The following ADAMTS6 variants were observed in gnomAD, a reference collection of about 807,000 sequenced individuals.
ADAMTS6 encodes the protein A disintegrin and metalloproteinase with thrombospondin motifs 6.
ADAMTS6 carries 23 observed loss-of-function variants against 144.3 expected under a neutral mutation model. The ratio of observed to expected loss-of-function variants is 0.16; its 90% CI spans 0.11 to 0.23. The LOEUF (loss-of-function observed/expected upper bound fraction) is 0.23, where lower values mean the gene tolerates loss of function less well. ADAMTS6 is among the 10% of genes least tolerant of loss of function. The probability of loss-of-function intolerance (pLI) is 1.00; values close to 1 mark genes in which losing one functional copy is unlikely to be tolerated. For synonymous variants in ADAMTS6, 444 were observed against 457.5 expected (o/e 0.97, Z 0.38); for missense variants, 999 against 1,379.6 (o/e 0.72, Z 4.37).
intron 24 of ADAMTS6, among the ~76,000 whole-genome samples, chr5:65,161,583 T>G (rs933745838): frequency 1.3e-5 from 2 of 152,168 alleles, no homozygotes; most frequent in African/African-American, 4.8e-5. Flanking sequence ...CATTTCCCCT[T>G]CCTTTCTTAA....
chr5:65,297,515 T>C (rs1742958811), intron 10 of ADAMTS6, among the ~76,000 whole-genome samples: 1 of 152,198 alleles, frequency 6.6e-6, no homozygotes, highest in African/African-American at 2.4e-5. Flanking sequence ...AAGATTCTTT[T>C]TCTTGAGAAG....
In ADAMTS6 at chr5:65,170,762, C is replaced by A. The variant is rs756654519; in HGVS notation, c.3099G>T (p.Gln1033His). 3 of 1,611,792 alleles carry A rather than the reference C, an allele frequency of 1.9e-6. No homozygotes were observed. The highest frequency in any genetic ancestry group is 2.5e-6 in the Non-Finnish European group (3 of 1,179,112). Residue 1033 changes from glutamine (Q) to histidine (H), a missense_variant, in exon 24 of 25, where the codon CAG becomes CAT. Coordinates refer to ENST00000381055, the MANE Select transcript of ADAMTS6 (RefSeq NM_197941.4). ...TTCTCATCTGCTGTCCAAGGCCACA[C>A]TGAGCAGAACACTAAATCCAAAGAC... Reference protein sequence around the residue: ...VTGDWGQCSAQCGLGQQMRTV... With the variant: ...VTGDWGQCSAHCGLGQQMRTV...
At chr5:65,411,661 T>C (rs763945812) in intron 7 of ADAMTS6, among the ~76,000 whole-genome samples, 7 of 152,202 alleles carry the variant, frequency 4.6e-5, no homozygotes, top group Non-Finnish European at 4.4e-5. Flanking sequence ...ACATGCTGCA[T>C]CTTCTTGCTG....
intron 7 of ADAMTS6, among the ~76,000 whole-genome samples, chr5:65,404,199 G>C (rs1754210497): frequency 6.6e-6 from 1 of 151,840 alleles, no homozygotes; most frequent in Admixed American, 6.6e-5. Flanking sequence ...ACAACATGCA[G>C]GTTTGTTACA....
In ADAMTS6 at chr5:65,262,979, A is replaced by G; in HGVS notation, c.1621-17T>C. The G allele has an allele frequency of 6.2e-7, 1 of 1,613,710 alleles. No individual in the cohort carries two copies. Among genetic ancestry groups the G allele is most frequent in the Non-Finnish European group, 8.5e-7 (1 of 1,179,840 alleles). On this transcript the variant is annotated splice_polypyrimidine_tract_variant and intron_variant, in intron 12 of 24. Transcript: ENST00000381055. ...ATAACACCACTGCAAGATTTCACAG[A>G]AAACACAGAATTAGCTTTTAGGCAG...
At chr5:65,462,018 G>A (rs1003491075) in intron 3 of ADAMTS6, among the ~76,000 whole-genome samples, 12 of 152,088 alleles carry the variant, frequency 7.9e-5, no homozygotes, top group Non-Finnish European at 1.5e-4. Flanking sequence ...GCTGAGGAAT[G>A]CAAACAAAAA....
At position 65,315,154 on chromosome 5, in the gene ADAMTS6, C is replaced by A. The variant is rs144668365; in HGVS notation, c.1223+14224G>T. Among the ~76,000 whole-genome samples the A allele has an allele frequency of 5.5e-4, 84 of 152,014 alleles. 2 individuals carry two copies. In the East Asian group the frequency reaches 0.014, roughly 26 times the overall value. On this transcript the variant is annotated intron_variant, in intron 9 of 24. Coordinates refer to ENST00000381055, the MANE Select transcript of ADAMTS6 (RefSeq NM_197941.4). The stretch of plus-strand genomic sequence containing the variant: ...AGTGGATAAATAAAATGAAGGACAG[C>A]AATGTCATAAGGAACAGGAATGAAG...
At chr5:65,395,521 A>T (rs1012884156) in intron 7 of ADAMTS6, among the ~76,000 whole-genome samples, 15 of 152,332 alleles carry the variant, frequency 9.8e-5, no homozygotes, top group Admixed American at 7.2e-4. Flanking sequence ...TGTCAGACAG[A>T]GGAGGTTTCT....
chr5:65,223,106 A>G (rs977812961), intron 18 of ADAMTS6, among the ~76,000 whole-genome samples: 1 of 152,186 alleles, frequency 6.6e-6, no homozygotes, highest in Non-Finnish European at 1.5e-5. Flanking sequence ...AAGGATGTAG[A>G]GCAGCTGGAA....
In ADAMTS6 at chr5:65,184,866, A is replaced by G. The variant is rs373844853; in HGVS notation, c.2910+3150T>C. Among the ~76,000 whole-genome samples, 17 of 152,220 alleles carry G rather than the reference A, an allele frequency of 1.1e-4. No homozygotes were observed. The South Asian group carries it at 1.7e-3, about 15-fold the overall frequency. ...TTTCACTGACGCTGGCTTTACAACAATGGAAATTTTACACTACAGTAGCCG... is the reference window on the plus strand; with the variant it reads ...TTTCACTGACGCTGGCTTTACAACAGTGGAAATTTTACACTACAGTAGCCG... On this transcript the variant is annotated intron_variant, in intron 22 of 24. Transcript: ENST00000381055.
chr5:65,374,681 T>C (rs1190926056), intron 7 of ADAMTS6, among the ~76,000 whole-genome samples: 1 of 152,206 alleles, frequency 6.6e-6, no homozygotes, highest in Non-Finnish European at 1.5e-5. Flanking sequence ...ATGGCCATAC[T>C]GCCCAACGTA....
chr5:65,236,212 AT>A (rs1303011801), intron 15 of ADAMTS6, among the ~76,000 whole-genome samples: 1 of 152,246 alleles, frequency 6.6e-6, no homozygotes, highest in African/African-American at 2.4e-5. Flanking sequence ...TCTCATAGAT[AT>A]CTATAGAACA....
chr5:65,248,752 A>C (rs1759873607), intron 14 of ADAMTS6, among the ~76,000 whole-genome samples: 1 of 152,112 alleles, frequency 6.6e-6, no homozygotes, highest in Non-Finnish European at 1.5e-5. Context: ...ATACCACTGC[A>C]CTCCAGCCTG....
intron 11 of ADAMTS6, among the ~76,000 whole-genome samples, chr5:65,280,329 T>G (rs1190077637): frequency 6.6e-6 from 1 of 152,204 alleles, no homozygotes; most frequent in Non-Finnish European, 1.5e-5. Flanking sequence ...TTTAGCTTTA[T>G]CAATCAACTT....
At chr5:65,406,475 C>T (rs963587817) in intron 7 of ADAMTS6, among the ~76,000 whole-genome samples, 1 of 152,104 alleles carries the variant, frequency 6.6e-6, no homozygotes, top group South Asian at 2.1e-4. Context: ...GTTAAACAAG[C>T]CTTGCATCCC....
intron 7 of ADAMTS6, among the ~76,000 whole-genome samples, chr5:65,433,497 C>T (rs908379352): frequency 1.3e-4 from 19 of 151,956 alleles, no homozygotes; most frequent in South Asian, 1.0e-3. Flanking sequence ...TAATATAGTC[C>T]GAGTGACTAC....
chr5:65,202,786 T>C (rs1362265946), intron 20 of ADAMTS6, among the ~76,000 whole-genome samples: 2 of 152,208 alleles, frequency 1.3e-5, no homozygotes, highest in Non-Finnish European at 2.9e-5. Flanking sequence ...GTTCCTTTGT[T>C]TTTTCTCATC....
intron 7 of ADAMTS6, among the ~76,000 whole-genome samples, chr5:65,394,235 G>A (rs1753156584): frequency 6.6e-6 from 1 of 152,152 alleles, no homozygotes; most frequent in African/African-American, 2.4e-5. Flanking sequence ...AAGCAGGCTG[G>A]TTGCCCTGAA....
chr5:65,215,277 A>C, intron 19 of ADAMTS6, 47 bp downstream of exon 19: 1 of 1,590,854 alleles, frequency 6.3e-7, no homozygotes, highest in Non-Finnish European at 8.6e-7. Flanking sequence ...CTACCTCACA[A>C]GGGGGAATTA....
Sources: gnomAD v4.1 joint callset for allele counts (sites outside exome capture counted in the v4.1 genomes callset) on GRCh38, gnomAD v4.1.1 for gene constraint, MANE v1.5 for transcripts, NCBI Gene and HGNC (gene_info 2026-07-23, HGNC 2026-07-21) for gene names.